The following ATP1A2 variants were observed in gnomAD, a reference collection of about 807,000 sequenced individuals.
ATP1A2 encodes the protein sodium/potassium-transporting ATPase subunit alpha-2.
In ATP1A2, 56 loss-of-function variants were observed where a neutral mutation model predicts 113.1. The observed-to-expected ratio is 0.49, with a 90% CI of 0.40 to 0.62. The LOEUF (loss-of-function observed/expected upper bound fraction) is 0.62, where lower values mean the gene tolerates loss of function less well. ATP1A2 is among the 20% of genes least tolerant of loss of function. The pLI is 0.00. For synonymous variants in ATP1A2, 490 were observed against 526.8 expected, an observed-to-expected ratio of 0.93 and a Z score of 0.96; for missense variants, 712 against 1,357.8, an observed-to-expected ratio of 0.52 and a Z score of 7.47.
chr1:160,133,997 TCA>T (rs1255632403), intron 13 of ATP1A2, among the ~76,000 whole-genome samples: 1 of 151,468 alleles, frequency 6.6e-6, no homozygotes, highest in Non-Finnish European at 1.5e-5. Context: ...CCACTCAAAT[TCA>T]CACAGACACA....
chr1:160,124,801 AG>A (rs546282366), intron 6 of ATP1A2, among the ~76,000 whole-genome samples: 115 of 152,306 alleles, frequency 7.6e-4, no homozygotes, highest in African/African-American at 2.5e-3. Flanking sequence ...GAATGACCCC[AG>A]GAGGTGCATT....
At chr1:160,122,206 TA>T (rs1211180919) in intron 3 of ATP1A2, among the ~76,000 whole-genome samples, 3 of 152,186 alleles carry the variant, frequency 2.0e-5, no homozygotes, top group Admixed American at 2.0e-4. Context: ...CTGCTCTTTC[TA>T]AAATTCTATG....
chr1:160,139,071 G>A (rs1253724248), intron 20 of ATP1A2, among the ~76,000 whole-genome samples: 3 of 152,216 alleles, frequency 2.0e-5, no homozygotes, highest in Non-Finnish European at 2.9e-5. Flanking sequence ...CCACCTGTCT[G>A]ACTGCAGAAA....
In ATP1A2 at chr1:160,123,387, G is replaced by C; in HGVS notation, c.352G>C (p.Ala118Pro). 1 of 1,614,168 alleles carries C rather than the reference G, an allele frequency of 6.2e-7. No homozygotes were observed. Among genetic ancestry groups the C allele is most frequent in the Non-Finnish European group, 8.5e-7 (1 of 1,180,036 alleles). Residue 118 changes from alanine (A) to proline (P), a missense_variant, in exon 4 of 23, where the codon GCC becomes CCC. By Grantham distance (27) the Ala-to-Pro change is conservative. Coordinates refer to ENST00000361216, the MANE Select transcript of ATP1A2 (RefSeq NM_000702.4). ...LCFLAYGIQA[A>P]MEDEPSNDNL... The stretch of plus-strand genomic sequence containing the variant: ...CTTCCTGGCCTACGGCATCCAGGCT[G>C]CCATGGAGGATGAACCATCCAACGA...
chr1:160,126,687 C>T (rs1416311410), intron 7 of ATP1A2, among the ~76,000 whole-genome samples: 3 of 151,966 alleles, frequency 2.0e-5, no homozygotes, highest in African/African-American at 7.3e-5. Context: ...CCCAGGCTGG[C>T]CTCAAACTCC....
chr1:160,125,102 C>T lies in ATP1A2; in HGVS notation c.631-34C>T, dbSNP rs761507952. 3.8e-6 allele frequency: 6 copies of T among 1,579,772 alleles called. No individual in the cohort carries two copies. The Admixed American group carries it at 6.7e-5, about 18-fold the overall frequency. On this transcript the variant is annotated intron_variant, in intron 6 of 22. Coordinates refer to ENST00000361216, the MANE Select transcript of ATP1A2 (RefSeq NM_000702.4). ...AGCTGTGTGCATACAAGTGGCTCTGCCAGTCTGATGACTATGCACTCCTTC... is the reference window on the plus strand; with the variant it reads ...AGCTGTGTGCATACAAGTGGCTCTGTCAGTCTGATGACTATGCACTCCTTC...
chr1:160,123,759 C>T (rs1032075007), intron 4 of ATP1A2, among the ~76,000 whole-genome samples, 184 bp from the exon 5 acceptor site: 51 of 152,206 alleles, frequency 3.4e-4, no homozygotes, highest in African/African-American at 1.1e-3. Flanking sequence ...TCTTAACAGG[C>T]TTGAGGTTGG....
Position 160,116,371 on chromosome 1 carries a change from G to A in ATP1A2, c.12+498G>A, listed in dbSNP as rs192978789. Among the ~76,000 whole-genome samples, 546 of 152,080 alleles carry A rather than the reference G, an allele frequency of 3.6e-3. 2 individuals are homozygous for A. Among genetic ancestry groups the A allele is most frequent in the Non-Finnish European group, 6.1e-3 (413 of 67,974 alleles). On this transcript the variant is annotated intron_variant, in intron 1 of 22. Coordinates refer to ENST00000361216, the MANE Select transcript of ATP1A2 (RefSeq NM_000702.4). ...GCTCCCAGAGTCACCAAGTAGTTCC[G>A]GACACCAGCTCCAGGGGCCCTGAGT...
At position 160,124,317 on chromosome 1, in the gene ATP1A2, G is replaced by A; in HGVS notation, c.517G>A (p.Gly173Arg). Residue 173 changes from glycine (G) to arginine (R), a missense_variant, in exon 6 of 23, where the codon GGA becomes AGA. Around this residue, in one of 6 missense-constraint regions of ATP1A2, gnomAD observed 99 missense variants for 180.4 expected, o/e 0.55. Coordinates refer to ENST00000361216, the MANE Select transcript of ATP1A2 (RefSeq NM_000702.4). ...VPQQALVIREGEKMQINAEEV... is the reference protein window; with the variant it reads ...VPQQALVIREREKMQINAEEV... ...ACAGCAAGCCCTTGTGATCCGGGAG[G>A]GAGAGAAGATGCAGATCAACGCAGA... The A allele has an allele frequency of 6.2e-7, 1 of 1,608,816 alleles. No homozygotes were observed. The highest frequency in any genetic ancestry group is 8.5e-7 in the Non-Finnish European group (1 of 1,177,736).
At position 160,141,373 on chromosome 1, in the gene ATP1A2, T is replaced by A. The variant is rs769979812; in HGVS notation, c.*51T>A. Reference sequence around the variant, plus strand: ...GGAAAGATGGGGAGCTCTGGAGGTGTTGTGGGGATGGTGATGGAGAGGGAT... The same window carrying A: ...GGAAAGATGGGGAGCTCTGGAGGTGATGTGGGGATGGTGATGGAGAGGGAT... On this transcript the variant is annotated 3_prime_UTR_variant, in exon 23 of 23. Transcript: ENST00000361216. 6.2e-7 allele frequency: 1 copy of A among 1,607,822 alleles called. No homozygotes were observed.
Position 160,135,246 on chromosome 1 carries a change from G to A in ATP1A2, c.2066G>A (p.Arg689Gln), listed in dbSNP as rs28933401. The A allele has an allele frequency of 6.2e-7, 1 of 1,614,180 alleles. No homozygotes were observed. The highest frequency in any genetic ancestry group is 8.5e-7 in the Non-Finnish European group (1 of 1,180,042). The change falls in exon 15 of 23, where the codon CGA (arginine) becomes CAA (glutamine). Residue 689 changes from arginine to glutamine, a missense_variant. Arg to Gln is a conservative substitution (Grantham distance 43). This residue lies in a region of ATP1A2 where 263 missense variants were observed against 380.6 expected (regional missense o/e 0.69). Coordinates refer to ENST00000361216, the MANE Select transcript of ATP1A2 (RefSeq NM_000702.4). The surrounding 1 kb of genome is among the most constrained non-coding windows in gnomAD (Gnocchi z 6.3). ...AACCACACAGAGATCGTCTTTGCTC[G>A]AACGTCTCCCCAGCAGAAGCTCATC... is the stretch of plus-strand genomic sequence containing the variant. ...LKNHTEIVFA[R>Q]TSPQQKLIIV...
intron 1 of ATP1A2, 44 bp from the exon 2 acceptor site, chr1:160,120,862 G>C (rs1651370226): frequency 6.5e-7 from 1 of 1,541,146 alleles, no homozygotes; most frequent in South Asian, 1.2e-5. Context: ...GGAGGCCCCA[G>C]CCCCTCTCTT....
intron 12 of ATP1A2, 25 bp from the exon 13 acceptor site, chr1:160,130,396 CA>C (rs1412342366): frequency 1.9e-6 from 3 of 1,614,070 alleles, no homozygotes; most frequent in Non-Finnish European, 2.5e-6. Flanking sequence ...CTGCGGATCT[CA>C]CTGATCCCTT....
intron 20 of ATP1A2, 105 bp downstream of exon 20, chr1:160,137,136 G>C: frequency 6.4e-7 from 1 of 1,572,826 alleles, no homozygotes; most frequent in Non-Finnish European, 8.7e-7. Context: ...GCTGTAAGGA[G>C]GGCATCAGAT....
Position 160,135,242 on chromosome 1 carries a change from G to T in ATP1A2, c.2062G>T (p.Ala688Ser), listed in dbSNP as rs200425518. The T allele has an allele frequency of 3.1e-6, 5 of 1,614,190 alleles. No homozygotes were observed. The Admixed American group carries it at 5.0e-5, about 16-fold the overall frequency. Residue 688 changes from alanine to serine, a missense_variant, in exon 15 of 23, where the codon GCT becomes TCT. Physicochemically the swap from Ala to Ser is moderately conservative, Grantham distance 99. Transcript: ENST00000361216. The surrounding 1 kb of genome is among the most constrained non-coding windows in gnomAD (Gnocchi z 6.3). ...CAAGAACCACACAGAGATCGTCTTT[G>T]CTCGAACGTCTCCCCAGCAGAAGCT... is the stretch of plus-strand genomic sequence containing the variant. ...ILKNHTEIVF[A>S]RTSPQQKLII...
intron 7 of ATP1A2, 116 bp from the exon 8 acceptor site, chr1:160,127,436 G>T (rs999512642): frequency 2.0e-6 from 3 of 1,473,252 alleles, no homozygotes; most frequent in Non-Finnish European, 2.8e-6. Context: ...GTGGCCTCCA[G>T]ATCTGCGGCT....
At chr1:160,136,827 G>A (rs1055035348) in intron 19 of ATP1A2, 74 bp from the exon 20 acceptor site, 4 of 1,614,004 alleles carry the variant, frequency 2.5e-6, no homozygotes, top group Middle Eastern at 1.6e-4. Context: ...GGTGGATCAG[G>A]AGAAACCATG....
chr1:160,135,755 G>A lies in ATP1A2; in HGVS notation c.2285-84G>A. 6.2e-7 allele frequency: 1 copy of A among 1,611,726 alleles called. No individual in the cohort carries two copies. The highest frequency in any genetic ancestry group is 8.5e-7 in the Non-Finnish European group (1 of 1,178,202). ...TTGAACACAAAATCTTCCTCTCTTG[G>A]GAAGACAGGCAGCCATGCTTCAGGG... On this transcript the variant is annotated intron_variant, in intron 16 of 22. Coordinates refer to ENST00000361216, the MANE Select transcript of ATP1A2 (RefSeq NM_000702.4). This position sits in a 1 kb window ranked among gnomAD's most constrained non-coding sequence, Gnocchi z 6.3.
At chr1:160,122,094 T>G (rs757618493) in intron 3 of ATP1A2, among the ~76,000 whole-genome samples, 3 of 152,198 alleles carry the variant, frequency 2.0e-5, no homozygotes, top group Non-Finnish European at 2.9e-5. Flanking sequence ...ATCATACCAC[T>G]GTACTCCAGA....
Sources: gnomAD v4.1 joint callset for allele counts (sites outside exome capture counted in the v4.1 genomes callset) on GRCh38, gnomAD v4.1.1 for gene constraint, gnomAD v4.1.1 regional missense constraint, Gnocchi (gnomAD v3.1) non-coding constraint, MANE v1.5 for transcripts, NCBI Gene and HGNC (gene_info 2026-07-23, HGNC 2026-07-21) for gene names.